Variants in GNAO1 observed in about 807,000 individuals in gnomAD.
The protein encoded by GNAO1 is G protein subunit alpha o1.
For synonymous variants in GNAO1, 164 were observed against 180.7 expected (o/e 0.91, Z 0.74); for missense variants, 166 against 478.7 (o/e 0.35, Z 6.10).
At chr16:56,345,218 C>T in intron 6 of GNAO1, 4 of 985,592 alleles carry the variant, frequency 4.1e-6, no homozygotes, top group Non-Finnish European at 4.8e-6. Context: ...CAAGATGCCT[C>T]CAGGTGGCTG....
Position 56,328,752 on chromosome 16 carries a change from A to T in GNAO1, c.425A>T (p.Asn142Ile). The T allele has an allele frequency of 1.2e-6, 2 of 1,613,878 alleles. No homozygotes were observed. The highest frequency in any genetic ancestry group is 1.7e-6 in the Non-Finnish European group (2 of 1,179,886). Reference protein sequence around the residue: ...WGDSGIQECFNRSREYQLNDS... With the variant: ...WGDSGIQECFIRSREYQLNDS... The stretch of plus-strand genomic sequence containing the variant: ...GACTCAGGAATCCAAGAGTGCTTCA[A>T]CCGGTCCCGGGAGTATCAGCTCAAC... The change falls in exon 4 of 9, where the codon AAC (asparagine) becomes ATC (isoleucine). Residue 142 changes from asparagine to isoleucine, a missense_variant. Coordinates refer to ENST00000262493, the MANE Select transcript of GNAO1 (RefSeq NM_020988.3).
intron 2 of GNAO1, among the ~76,000 whole-genome samples, chr16:56,236,006 A>C (rs1342212251): frequency 2.7e-4 from 41 of 152,126 alleles, no homozygotes; most frequent in Admixed American, 2.7e-3. Context: ...TGATTCTTTG[A>C]GTCATAGCCT....
intron 2 of GNAO1, among the ~76,000 whole-genome samples, chr16:56,274,026 C>T (rs2037040317): frequency 1.3e-5 from 2 of 152,230 alleles, no homozygotes; most frequent in Admixed American, 1.3e-4. Flanking sequence ...TCTCTCTTCG[C>T]AGTTTTCTCC....
intron 6 of GNAO1, chr16:56,344,784 ACT>A (rs2037846444): frequency 1.0e-6 from 1 of 985,372 alleles, no homozygotes; most frequent in African/African-American, 1.7e-5. Context: ...TCGGATGGTC[ACT>A]CTGAGGTGTG....
chr16:56,336,996 C>T (rs770509149), intron 6 of GNAO1, 136 bp downstream of exon 6: 332 of 834,040 alleles, frequency 4.0e-4, no homozygotes, highest in Non-Finnish European at 5.7e-4. Context: ...TAGAGGTTTC[C>T]ATCATGGACA....
At chr16:56,344,009 G>C in intron 6 of GNAO1, 1 of 1,593,214 alleles carries the variant, frequency 6.3e-7, no homozygotes, top group Non-Finnish European at 8.5e-7. Context: ...CCCTCCCCTG[G>C]AACCAGGCTC....
intron 3 of GNAO1, among the ~76,000 whole-genome samples, chr16:56,315,524 G>C (rs1384828804): frequency 4.6e-5 from 7 of 152,164 alleles, no homozygotes; most frequent in African/African-American, 1.2e-4. Flanking sequence ...TATCCAGAGA[G>C]CCCCCATCCA....
intron 1 of GNAO1, 66 bp from the exon 2 acceptor site, chr16:56,192,508 C>A: frequency 1.2e-6 from 1 of 859,102 alleles, no homozygotes; most frequent in South Asian, 1.3e-5. Flanking sequence ...TGCCTTAGTC[C>A]CCCCCTCCCC....
At chr16:56,345,684 A>G (rs897691001) in intron 6 of GNAO1, 2 of 985,414 alleles carry the variant, frequency 2.0e-6, no homozygotes, top group Admixed American at 6.2e-5. Flanking sequence ...GGCAGAGGAC[A>G]GGCCCTGGGA....
chr16:56,335,609 G>A (rs553751988), intron 5 of GNAO1, among the ~76,000 whole-genome samples: 18 of 152,268 alleles, frequency 1.2e-4, no homozygotes, highest in African/African-American at 3.9e-4. Context: ...CTGAGGGGCC[G>A]AGGCTCTGGG....
At position 56,349,677 on chromosome 16, in the gene GNAO1, C is replaced by T. The variant is rs1271406834; in HGVS notation, c.724-1707C>T. 7.9e-5 allele frequency among the ~76,000 whole-genome samples: 12 copies of T among 152,164 alleles called. No individual in the cohort carries two copies. The East Asian group carries it at 1.9e-3, about 24-fold the overall frequency. On this transcript the variant is annotated intron_variant, in intron 6 of 8. Transcript: ENST00000262493. The stretch of plus-strand genomic sequence containing the variant: ...GTTTAGCAGAATGAAAGGGCAGTGC[C>T]GTGTACTACAGCTCCTGGGGGGTGG...
At chr16:56,282,994 T>A (rs1001073378) in intron 3 of GNAO1, among the ~76,000 whole-genome samples, 4 of 152,196 alleles carry the variant, frequency 2.6e-5, no homozygotes, top group Non-Finnish European at 5.9e-5. Context: ...TCTTCTGAGG[T>A]CTACTTGACT....
intron 6 of GNAO1, chr16:56,347,447 C>T (rs1340066290): frequency 2.0e-6 from 2 of 985,510 alleles, no homozygotes; most frequent in East Asian, 2.3e-4. Flanking sequence ...CCATCTCCCA[C>T]CCCTCAGCAA....
At chr16:56,324,289 C>T (rs1355613263) in intron 3 of GNAO1, among the ~76,000 whole-genome samples, 1 of 152,186 alleles carries the variant, frequency 6.6e-6, no homozygotes, top group Non-Finnish European at 1.5e-5. Context: ...TGTTGTGGCT[C>T]CAGGGCCCCC....
chr16:56,345,939 T>TC, intron 6 of GNAO1: 2 of 985,236 alleles, frequency 2.0e-6, no homozygotes, highest in Non-Finnish European at 2.4e-6. Context: ...GCTCTCCATG[T>TC]CCCCCAGCAG....
At chr16:56,290,290 G>A (rs1205484683) in intron 3 of GNAO1, among the ~76,000 whole-genome samples, 4 of 152,100 alleles carry the variant, frequency 2.6e-5, no homozygotes, top group Non-Finnish European at 5.9e-5. Context: ...CAATGTTTGT[G>A]CCCCCTGACC....
intron 3 of GNAO1, among the ~76,000 whole-genome samples, chr16:56,323,460 G>A (rs1169112081): frequency 6.6e-6 from 1 of 152,062 alleles, no homozygotes; most frequent in Non-Finnish European, 1.5e-5. Flanking sequence ...CTATCCCTAG[G>A]GTGTTGACCT....
At chr16:56,349,313 C>T (rs1245603439) in intron 6 of GNAO1, among the ~76,000 whole-genome samples, 1 of 152,188 alleles carries the variant, frequency 6.6e-6, no homozygotes, top group Admixed American at 6.5e-5. Context: ...TTCCAGCTCT[C>T]TGTTAGGCAG....
At chr16:56,206,853 G>A (rs532313918) in intron 2 of GNAO1, among the ~76,000 whole-genome samples, 98 of 152,308 alleles carry the variant, frequency 6.4e-4, no homozygotes, top group African/African-American at 2.1e-3. Flanking sequence ...CTTCAATGCT[G>A]TGCTTACAAT....
Sources: allele counts gnomAD v4.1 joint callset (sites outside exome capture counted in the v4.1 genomes callset), GRCh38; gene constraint gnomAD v4.1.1; transcripts MANE v1.5; gene names NCBI Gene and HGNC (gene_info 2026-07-23, HGNC 2026-07-21).